The following ZNF287 variants were observed in gnomAD, a reference collection of about 807,000 sequenced individuals.
ZNF287 encodes the protein zinc finger protein 287.
A neutral mutation model predicts 73.7 loss-of-function variants in ZNF287; 31 were observed. That is an observed-to-expected ratio of 0.42 (90% CI 0.32 to 0.57). The LOEUF (loss-of-function observed/expected upper bound fraction) is 0.57, where lower values mean the gene tolerates loss of function less well. Among genes scored for constraint, ZNF287 ranks in the 20% least tolerant of loss-of-function variants. ZNF287 has a pLI of 0.13. For synonymous variants in ZNF287, 301 were observed against 307.2 expected, an observed-to-expected ratio of 0.98 and a Z score of 0.21; for missense variants, 641 against 909.3, an observed-to-expected ratio of 0.70 and a Z score of 3.79.
At chr17:16,563,933 T>G in intron 3 of ZNF287, 108 bp from the exon 4 acceptor site, 3 of 1,327,428 alleles carry the variant, frequency 2.3e-6, no homozygotes, top group Non-Finnish European at 3.1e-6. Context: ...TTTTAAGCTT[T>G]AGTAGGATCC....
At chr17:16,568,838 C>T (rs1907905818) in intron 1 of ZNF287, 114 bp downstream of exon 1, 1 of 152,384 alleles carries the variant, frequency 6.6e-6, no homozygotes, top group Admixed American at 6.5e-5. Flanking sequence ...CCACAGCAGC[C>T]TCCACCCCGT....
intron 5 of ZNF287, among the ~76,000 whole-genome samples, chr17:16,555,447 T>C (rs957250072): frequency 1.3e-5 from 2 of 152,194 alleles, no homozygotes; most frequent in Admixed American, 6.5e-5. Flanking sequence ...ATTCTGGAAA[T>C]AGCTTATCCT....
Position 16,567,898 on chromosome 17 carries a change from A to C in ZNF287, c.-167T>G, listed in dbSNP as rs1447205890. ...TTAGCAGCCTTAGTGACAAATTCTG[A>C]GCCCAGAACTTGCAGGGATGGATAA... is the stretch of plus-strand genomic sequence containing the variant. On this transcript the variant is annotated 5_prime_UTR_variant, in exon 2 of 6. Coordinates refer to ENST00000395825, the MANE Select transcript of ZNF287 (RefSeq NM_020653.4). The C allele has an allele frequency of 1.4e-6, 2 of 1,431,278 alleles. No individual in the cohort carries two copies. Among genetic ancestry groups the C allele is most frequent in the Non-Finnish European group, 1.8e-6 (2 of 1,098,482 alleles). 88.7% of individuals were successfully genotyped at this position (1,431,278 alleles called of 1,614,324 possible).
At position 16,547,638 on chromosome 17, in the gene ZNF287, C is replaced by T. The variant is rs936566364; in HGVS notation, c.*4218G>A. On this transcript the variant is annotated 3_prime_UTR_variant, in exon 6 of 6. Transcript: ENST00000395825. ...TTGGAAAGAATTGCCAGTGACACTC[C>T]GGGAGCAGTGAGAATCCCTAGTGCC... 3.9e-5 allele frequency among the ~76,000 whole-genome samples: 6 copies of T among 152,148 alleles called. No individual in the cohort carries two copies. Among genetic ancestry groups the T allele is most frequent in the Admixed American group, 1.3e-4 (2 of 15,276 alleles).
At chr17:16,563,296 CAGACTTCTACCT>C (rs1372719733) in intron 4 of ZNF287, 64 bp from the exon 5 acceptor site, 1 of 1,195,100 alleles carries the variant, frequency 8.4e-7, no homozygotes, top group African/African-American at 1.5e-5. Context: ...GTTTTATTAC[CAGACTTCTACCT>C]ATCTGGGAGA....
rs910620985 is a variant in ZNF287, at chr17:16,553,549, C to T, written c.716-123G>A. On this transcript the variant is annotated intron_variant, in intron 5 of 5. Transcript: ENST00000395825. ...ACAACAGCTCTGAAAACCTCATCAT[C>T]ATGGTCTTTAAAACTTGGGAAAGGA... The T allele has an allele frequency of 2.1e-5, 16 of 758,438 alleles. No homozygotes were observed. In the African/African-American group the frequency reaches 2.8e-4, roughly 13 times the overall value. 47.0% of individuals were successfully genotyped at this position (758,438 alleles called of 1,614,324 possible). A position where few individuals can be genotyped will look rare whatever the true frequency, so the allele number is the denominator to read the frequency against.
At position 16,553,053 on chromosome 17, in the gene ZNF287, A is replaced by G. The variant is rs1298082956; in HGVS notation, c.1089T>C (p.Pro363=). ...CATTACACTTGTAAGGCTTCTCTCC[A>G]GGAAGTATTTTCCTATGTACAATAC... The part of the protein sequence containing the change: ...SYGIVHRKIL[P]GEKPYKCNVC... Residue 363 remains proline, a synonymous_variant, in exon 6 of 6, where the codon CCT becomes CCC. Transcript: ENST00000395825. 2.6e-5 allele frequency: 42 copies of G among 1,614,102 alleles called. No homozygotes were observed. Among genetic ancestry groups the G allele is most frequent in the Non-Finnish European group, 3.3e-5 (39 of 1,180,024 alleles).
rs1301474572 is a variant in ZNF287, at chr17:16,550,816, G to A, written c.*1040C>T. ...CAGAGAAACCTAAAGTATAAATTTA[G>A]GAGTCAGGTGAAAAAAATGGGAACT... is the stretch of plus-strand genomic sequence containing the variant. On this transcript the variant is annotated 3_prime_UTR_variant, in exon 6 of 6. Transcript: ENST00000395825. Among the ~76,000 whole-genome samples, 1 of 152,100 alleles carries A rather than the reference G, an allele frequency of 6.6e-6. No individual in the cohort carries two copies. The highest frequency in any genetic ancestry group is 1.5e-5 in the Non-Finnish European group (1 of 68,014).
chr17:16,547,443 C>T lies in ZNF287; in HGVS notation c.*4413G>A, dbSNP rs139442806. The stretch of plus-strand genomic sequence containing the variant: ...TTGCAGCTAATTTGCTGCTTTCTAG[C>T]ATACATAACATGGAAGTGTTCTCTC... On this transcript the variant is annotated 3_prime_UTR_variant, in exon 6 of 6. Coordinates refer to ENST00000395825, the MANE Select transcript of ZNF287 (RefSeq NM_020653.4). 9.8e-5 allele frequency among the ~76,000 whole-genome samples: 15 copies of T among 152,300 alleles called. No individual in the cohort carries two copies. Among genetic ancestry groups the T allele is most frequent in the African/African-American group, 3.6e-4 (15 of 41,562 alleles).
chr17:16,558,952 G>C (rs1310381869), intron 5 of ZNF287: 1 of 151,724 alleles, frequency 6.6e-6, no homozygotes, highest in African/African-American at 2.4e-5. Context: ...ACTCCAGCTT[G>C]GGTGACAGAG....
rs949091502 is a variant in ZNF287, at chr17:16,548,287, G to A, written c.*3569C>T. On this transcript the variant is annotated 3_prime_UTR_variant, in exon 6 of 6. Coordinates refer to ENST00000395825, the MANE Select transcript of ZNF287 (RefSeq NM_020653.4). Reference sequence around the variant, plus strand: ...CTCAAATGAGTGATCCATTGATAATGAGTCAACCTGATATTAATGAGACTT... The same window carrying A: ...CTCAAATGAGTGATCCATTGATAATAAGTCAACCTGATATTAATGAGACTT... Among the ~76,000 whole-genome samples, 4 of 152,126 alleles carry A rather than the reference G, an allele frequency of 2.6e-5. No individual in the cohort carries two copies. Among genetic ancestry groups the A allele is most frequent in the African/African-American group, 7.2e-5 (3 of 41,408 alleles).
chr17:16,558,148 T>C (rs1326221334), intron 5 of ZNF287: 2 of 152,210 alleles, frequency 1.3e-5, no homozygotes, highest in Admixed American at 1.3e-4. Context: ...GAATTTAGTG[T>C]GCTGTAGGTG....
intron 5 of ZNF287, chr17:16,559,068 A>G (rs1907255153): frequency 6.6e-6 from 1 of 152,132 alleles, no homozygotes; most frequent in African/African-American, 2.4e-5. Flanking sequence ...TACTTCTTTC[A>G]TATACAAAAG....
intron 3 of ZNF287, among the ~76,000 whole-genome samples, chr17:16,564,867 C>T (rs1470611684): frequency 6.6e-6 from 1 of 151,664 alleles, no homozygotes; most frequent in Non-Finnish European, 1.5e-5. Context: ...TACAGGTGCA[C>T]GCCACCATGC....
intron 5 of ZNF287, among the ~76,000 whole-genome samples, chr17:16,561,142 C>T (rs1448640163): frequency 2.0e-5 from 3 of 152,028 alleles, no homozygotes; most frequent in East Asian, 1.9e-4. Flanking sequence ...ATGGTGACAC[C>T]GTCTCTACTA....
rs2142497327 is a variant in ZNF287 at position 16,563,285 on chromosome 17, AG to A, written c.629-54del. The A allele has an allele frequency of 2.2e-6, 3 of 1,358,200 alleles. No individual in the cohort carries two copies. The South Asian group carries it at 3.8e-5, about 17-fold the overall frequency. The allele number at this position is 1,358,200 out of a possible 1,614,324, so 84.1% of individuals were successfully genotyped here. ...ATCCTGGAGATAAATGGTTGCTCAAAGTTTTATTACCAGACTTCTACCTATC... is the reference window on the plus strand; with the variant it reads ...ATCCTGGAGATAAATGGTTGCTCAAATTTTATTACCAGACTTCTACCTATC... On this transcript the variant is annotated intron_variant, in intron 4 of 5. Coordinates refer to ENST00000395825, the MANE Select transcript of ZNF287 (RefSeq NM_020653.4).
At position 16,552,050 on chromosome 17, in the gene ZNF287, G is replaced by A. The variant is rs1906707069; in HGVS notation, c.2092C>T (p.His698Tyr). 1.2e-6 allele frequency: 2 copies of A among 1,614,068 alleles called. No individual in the cohort carries two copies. The highest frequency in any genetic ancestry group is 1.7e-6 in the Non-Finnish European group (2 of 1,179,962). ...CATTTATAGGGTCTCTCTCCAGTATGAGTTCTCTGATGTTGATTAAGTGAT... is the reference window on the plus strand; with the variant it reads ...CATTTATAGGGTCTCTCTCCAGTATAAGTTCTCTGATGTTGATTAAGTGAT... ...SSSLNQHQRT[H>Y]TGERPYKCNE... Residue 698 changes from histidine (H) to tyrosine (Y), a missense_variant, in exon 6 of 6, where the codon CAT becomes TAT. His to Tyr is a moderately conservative substitution (Grantham distance 83). Transcript: ENST00000395825. This position sits in a 1 kb window ranked among gnomAD's most constrained non-coding sequence, Gnocchi z 6.5.
intron 3 of ZNF287, among the ~76,000 whole-genome samples, chr17:16,565,198 C>A (rs780929689): frequency 1.3e-5 from 2 of 151,484 alleles, no homozygotes; most frequent in African/African-American, 2.4e-5. Flanking sequence ...CTTAAAAAAT[C>A]TTTTCTTTTA....
intron 4 of ZNF287, 160 bp from the exon 5 acceptor site, chr17:16,563,392 T>G: frequency 1.6e-6 from 1 of 606,212 alleles, no homozygotes; most frequent in Non-Finnish European, 2.8e-6. Flanking sequence ...TTGTTATCCT[T>G]TCAGAGACAG....
Sources: allele counts gnomAD v4.1 joint callset (sites outside exome capture counted in the v4.1 genomes callset), GRCh38; gene constraint gnomAD v4.1.1; non-coding constraint Gnocchi (gnomAD v3.1); transcripts MANE v1.5; gene names NCBI Gene and HGNC (gene_info 2026-07-23, HGNC 2026-07-21).